The following SULT1E1 variants were observed in gnomAD, a reference collection of about 807,000 sequenced individuals.
SULT1E1 encodes sulfotransferase 1E1.
In SULT1E1, 36 loss-of-function variants were observed where a neutral mutation model predicts 33.6. The ratio of observed to expected loss-of-function variants is 1.07; its 90% CI spans 0.82 to 1.41. The LOEUF is 1.41. SULT1E1 is among the 40% of genes most tolerant of loss of function. The pLI is 0.00. For missense variants in SULT1E1, 371 were observed against 345.7 expected (o/e 1.07, Z -0.58); for synonymous variants, 121 against 111.7 (o/e 1.08, Z -0.53).
At chr4:69,824,232 GC>G in the SULT1E1 span, among the ~76,000 whole-genome samples, 8 of 152,188 alleles carry the variant, frequency 5.3e-5, no homozygotes, top group African/African-American at 1.7e-4. Context: ...GGCAGATAGT[GC>G]CTTAAAACAA....
chr4:69,837,912 C>G (rs1192432237), downstream of SULT1E1, among the ~76,000 whole-genome samples: 1 of 152,148 alleles, frequency 6.6e-6, no homozygotes, highest in African/African-American at 2.4e-5. Context: ...CTGAAGTCAT[C>G]TAGGCTTTGT....
At chr4:69,854,960 A>G (rs1401997477) in intron 3 of SULT1E1, among the ~76,000 whole-genome samples, 1 of 152,070 alleles carries the variant, frequency 6.6e-6, no homozygotes, top group Admixed American at 6.5e-5. Context: ...TCTGTGGTAA[A>G]TATACTTTTG....
chr4:69,849,491 G>T lies in SULT1E1; in HGVS notation c.442C>A (p.His148Asn), dbSNP rs779900694. The change falls in exon 5 of 8, where the codon CAT becomes AAT. Residue 148 changes from histidine (H) to asparagine (N), a missense_variant. By Grantham distance (68) the His-to-Asn change is moderately conservative. Transcript: ENST00000226444. ...FYYFFLMVAG[H>N]PNPGSFPEFV... ...TCTGGAAAGGATCCAGGATTTGGATGACCAGCCACCATTAGAAAGAAATAA... is the reference window on the plus strand; with the variant it reads ...TCTGGAAAGGATCCAGGATTTGGATTACCAGCCACCATTAGAAAGAAATAA... 1 of 1,611,732 alleles carries T rather than the reference G, an allele frequency of 6.2e-7. No homozygotes were observed. Among genetic ancestry groups the T allele is most frequent in the South Asian group, 1.1e-5 (1 of 90,966 alleles).
intron 4 of SULT1E1, among the ~76,000 whole-genome samples, chr4:69,851,562 A>G (rs1243460667): frequency 2.0e-5 from 3 of 152,158 alleles, no homozygotes; most frequent in African/African-American, 4.8e-5. Flanking sequence ...GGAAGTCAGT[A>G]TGGCGATCCC....
intron 4 of SULT1E1, among the ~76,000 whole-genome samples, chr4:69,852,421 A>AAATCTT (rs1327527692): frequency 6.6e-6 from 1 of 152,184 alleles, no homozygotes; most frequent in East Asian, 1.9e-4. Context: ...TTCACCATAA[A>AAATCTT]GGTTTCACTT....
intron 4 of SULT1E1, among the ~76,000 whole-genome samples, chr4:69,851,845 A>G (rs1408810468): frequency 2.0e-5 from 3 of 152,254 alleles, no homozygotes; most frequent in African/African-American, 4.8e-5. Flanking sequence ...GAAACTGGAA[A>G]CCATCATTCT....
At chr4:69,847,845 C>T in intron 5 of SULT1E1, 53 bp from the exon 6 acceptor site, 4 of 1,027,402 alleles carry the variant, frequency 3.9e-6, no homozygotes, top group Middle Eastern at 2.1e-4. Context: ...TAAAACTGCT[C>T]GAAAACTAGT....
At chr4:69,855,097 T>C (rs1721208632) in intron 3 of SULT1E1, among the ~76,000 whole-genome samples, 2 of 152,056 alleles carry the variant, frequency 1.3e-5, no homozygotes, top group African/African-American at 2.4e-5. Flanking sequence ...ATTGTCCTTA[T>C]TCACTCTATT....
At chr4:69,850,715 G>A (rs548526450) in intron 4 of SULT1E1, among the ~76,000 whole-genome samples, 2 of 151,940 alleles carry the variant, frequency 1.3e-5, no homozygotes, top group Admixed American at 1.3e-4. Context: ...CTTTGTTCTA[G>A]TCTGTCTTTC....
At chr4:69,850,910 C>A (rs746284303) in intron 4 of SULT1E1, among the ~76,000 whole-genome samples, 14 of 152,142 alleles carry the variant, frequency 9.2e-5, no homozygotes, top group Non-Finnish European at 1.9e-4. Flanking sequence ...ACTGTACATG[C>A]TCATTTTTTT....
downstream of SULT1E1, among the ~76,000 whole-genome samples, chr4:69,838,230 T>C (rs1720825103): frequency 6.6e-6 from 1 of 152,186 alleles, no homozygotes; most frequent in African/African-American, 2.4e-5. Flanking sequence ...GAACTAGCTT[T>C]TGCTTTCATT....
chr4:69,847,425 T>C (rs536831387), intron 6 of SULT1E1, among the ~76,000 whole-genome samples: 13 of 151,794 alleles, frequency 8.6e-5, no homozygotes, highest in African/African-American at 2.9e-4. Context: ...TGCCTATGTG[T>C]GTGTGTTATT....
At chr4:69,823,363 T>A in the SULT1E1 span, among the ~76,000 whole-genome samples, 2 of 152,096 alleles carry the variant, frequency 1.3e-5, no homozygotes, top group Non-Finnish European at 2.9e-5. Flanking sequence ...CAACGTAGCT[T>A]CCATTTTCCT....
intron 1 of SULT1E1, among the ~76,000 whole-genome samples, chr4:69,858,795 A>G (rs983971978): frequency 1.3e-5 from 2 of 152,158 alleles, no homozygotes; most frequent in African/African-American, 2.4e-5. Flanking sequence ...ATCTTTCACT[A>G]GAAGAAATGT....
chr4:69,854,730 C>T (rs1490858124), intron 3 of SULT1E1, among the ~76,000 whole-genome samples: 1 of 151,944 alleles, frequency 6.6e-6, no homozygotes, highest in Non-Finnish European at 1.5e-5. Flanking sequence ...TACAAATCTA[C>T]TTATATTCTC....
In SULT1E1 at chr4:69,844,064, G is replaced by A. The variant is rs183193965; in HGVS notation, c.772+97C>T. On this transcript the variant is annotated intron_variant, in intron 7 of 7. Coordinates refer to ENST00000226444, the MANE Select transcript of SULT1E1 (RefSeq NM_005420.3). ...AAGACTGCTGAAGAAAACTTAAGCT[G>A]GGTTCATAGGCATTAAAATACCTCA... 31 of 1,077,564 alleles carry A rather than the reference G, an allele frequency of 2.9e-5. No homozygotes were observed. The East Asian group carries it at 6.6e-4, about 23-fold the overall frequency. 66.8% of individuals were successfully genotyped at this position (1,077,564 alleles called of 1,614,324 possible).
chr4:69,832,169 G>C, the SULT1E1 span, among the ~76,000 whole-genome samples: 1 of 152,128 alleles, frequency 6.6e-6, no homozygotes, highest in African/African-American at 2.4e-5. Context: ...GCTGCTTCTG[G>C]GATTGTCCTG....
intron 5 of SULT1E1, 154 bp downstream of exon 5, chr4:69,849,283 C>T: frequency 1.3e-6 from 1 of 771,478 alleles, no homozygotes; most frequent in Non-Finnish European, 2.0e-6. Flanking sequence ...ACACAGTATG[C>T]TTGCTCTAAA....
intron 4 of SULT1E1, among the ~76,000 whole-genome samples, chr4:69,850,327 C>G (rs1721075622): frequency 6.6e-6 from 1 of 152,016 alleles, no homozygotes; most frequent in Admixed American, 6.6e-5. Context: ...AAAGTAAAGT[C>G]CAGTATCCTC....
Sources: allele counts gnomAD v4.1 joint callset (sites outside exome capture counted in the v4.1 genomes callset), GRCh38; gene constraint gnomAD v4.1.1; transcripts MANE v1.5; gene names NCBI Gene and HGNC (gene_info 2026-07-23, HGNC 2026-07-21).